Variants in RHD observed in about 807,000 individuals in gnomAD.
RHD encodes blood group Rh(D) polypeptide.
Under a neutral mutation model 45.5 loss-of-function variants are expected in RHD, and 16 were observed. The ratio of observed to expected loss-of-function variants is 0.35; its 90% CI spans 0.24 to 0.53. The LOEUF is 0.53. RHD is among the 20% of genes least tolerant of loss of function. The pLI is 0.92. For synonymous variants in RHD, 131 were observed against 217.5 expected (o/e 0.60, Z 3.50); for missense variants, 306 against 532.0 (o/e 0.58, Z 4.18).
intron 3 of RHD, among the ~76,000 whole-genome samples, chr1:25,296,935 C>A (rs2124661759): frequency 7.7e-6 from 1 of 130,718 alleles, no homozygotes; most frequent in East Asian, 2.0e-4. Context: ...AACACAATTT[C>A]CTAAAACAAG....
intron 1 of RHD, among the ~76,000 whole-genome samples, chr1:25,276,861 T>C (rs1641044859): frequency 7.6e-6 from 1 of 132,308 alleles, no homozygotes; most frequent in African/African-American, 2.6e-5. Context: ...GGTCTGGAGA[T>C]GGAGACCATC....
chr1:25,291,241 G>A lies in RHD; in HGVS notation c.486+450G>A, dbSNP rs538563037. Reference sequence around the variant, plus strand: ...CCCAGCACTTTGGGAGGCCAAGGAGGGCAGATCACCTGAGGTCAGGAGTTC... The same window carrying A: ...CCCAGCACTTTGGGAGGCCAAGGAGAGCAGATCACCTGAGGTCAGGAGTTC... On this transcript the variant is annotated intron_variant, in intron 3 of 9. Transcript: ENST00000328664. 4.6e-5 allele frequency among the ~76,000 whole-genome samples: 6 copies of A among 130,640 alleles called. No individual in the cohort carries two copies. In the South Asian group the frequency reaches 1.4e-3, roughly 31 times the overall value. 85.7% of individuals were successfully genotyped at this position (130,640 alleles called of 152,430 possible).
chr1:25,320,945 G>C lies in RHD; in HGVS notation c.1154-944G>C. ...TGTGGTCCCAGCTACTTGGGAGGCT[G>C]AGGTGGGAGGGTTGCTTGACCCCGG... On this transcript the variant is annotated intron_variant, in intron 8 of 9. Transcript: ENST00000328664. Among the ~76,000 whole-genome samples the C allele has an allele frequency of 1.5e-5, 2 of 131,778 alleles. 1 individual carries two copies. The highest frequency in any genetic ancestry group is 3.6e-5 in the Non-Finnish European group (2 of 55,638). The allele number at this position is 131,778 out of a possible 152,430, so 86.5% of individuals were successfully genotyped here.
chr1:25,302,916 A>C lies in RHD; in HGVS notation c.802-406A>C, dbSNP rs1364217221. On this transcript the variant is annotated intron_variant, in intron 5 of 9. Coordinates refer to ENST00000328664, the MANE Select transcript of RHD (RefSeq NM_016124.6). ...CCCAATATTTTGGGAGGCTGAGGCA[A>C]GAGGATTGGTTGAGGCCAGGAGTTC... Among the ~76,000 whole-genome samples the C allele has an allele frequency of 3.1e-5, 4 of 130,574 alleles. 2 individuals carry two copies. The highest frequency in any genetic ancestry group is 1.1e-4 in the African/African-American group (4 of 37,852). The allele number at this position is 130,574 out of a possible 152,430, so 85.7% of individuals were successfully genotyped here.
rs1319803990 is a variant in RHD at position 25,314,388 on chromosome 1, G to C, written c.1074-2612G>C. 2.3e-5 allele frequency among the ~76,000 whole-genome samples: 3 copies of C among 133,126 alleles called. 1 individual carries two copies. The highest frequency in any genetic ancestry group is 3.6e-5 in the Non-Finnish European group (2 of 56,144). The allele number at this position is 133,126 out of a possible 152,430, so 87.3% of individuals were successfully genotyped here. On this transcript the variant is annotated intron_variant, in intron 7 of 9. Coordinates refer to ENST00000328664, the MANE Select transcript of RHD (RefSeq NM_016124.6). ...CTTTTCTTGTGAAATGTCTATTCAA[G>C]TTAGTTTGCCCATTTTCTATTGTGG...
chr1:25,276,532 T>TAAAAAAAAAA (rs557746335), intron 1 of RHD, among the ~76,000 whole-genome samples: 2 of 64,784 alleles, frequency 3.1e-5, no homozygotes, highest in South Asian at 4.4e-4. Context: ...CCCCCATCTC[T>TAAAAAAAAAA]AAAAAAAAAA....
In RHD at chr1:25,280,605, CTTTTTTTTTT is replaced by C. The variant is rs71014346; in HGVS notation, c.149-3957_149-3948del. On this transcript the variant is annotated intron_variant, in intron 1 of 9. Transcript: ENST00000328664. ...ACAGACATAAGCCACTGTGCCTGGC[CTTTTTTTTTT>C]TTTTTTTTTTGTAAACAGGGTCTCC... is the stretch of plus-strand genomic sequence containing the variant. 3.3e-5 allele frequency among the ~76,000 whole-genome samples: 2 copies of C among 60,736 alleles called. 1 individual carries two copies. The highest frequency in any genetic ancestry group is 8.1e-5 in the Non-Finnish European group (2 of 24,542). 39.8% of individuals were successfully genotyped at this position (60,736 alleles called of 152,430 possible). A position where few individuals can be genotyped will look rare whatever the true frequency, so the allele number is the denominator to read the frequency against.
intron 2 of RHD, among the ~76,000 whole-genome samples, chr1:25,288,189 T>C (rs1642208417): frequency 7.6e-6 from 1 of 131,154 alleles, no homozygotes; most frequent in Non-Finnish European, 1.8e-5. Flanking sequence ...AGCTGATTTT[T>C]CTATTTTCTG....
At position 25,295,642 on chromosome 1, in the gene RHD, G is replaced by A. The variant is rs1426618825; in HGVS notation, c.486+4851G>A. ...GAGACGAGCGGTCAAGGAGCCGAGA[G>A]GGAAGGAGTTGGGTGGACTAAGATC... On this transcript the variant is annotated intron_variant, in intron 3 of 9. Coordinates refer to ENST00000328664, the MANE Select transcript of RHD (RefSeq NM_016124.6). 4.7e-5 allele frequency among the ~76,000 whole-genome samples: 5 copies of A among 106,000 alleles called. 1 individual carries two copies. The highest frequency in any genetic ancestry group is 1.1e-4 in the Non-Finnish European group (5 of 44,428). 69.5% of individuals were successfully genotyped at this position (106,000 alleles called of 152,430 possible).
At chr1:25,315,199 T>A (rs1171443126) in intron 7 of RHD, among the ~76,000 whole-genome samples, 2 of 130,028 alleles carry the variant, frequency 1.5e-5, no homozygotes, top group Admixed American at 1.5e-4. Flanking sequence ...TCCCCCTGAT[T>A]TTTTTCCTAA....
rs1557541975 is a variant in RHD at position 25,301,756 on chromosome 1, C to T, written c.801+70C>T. ...CTAGCACACATATTTATGCCCCTCCCCACCCCAGGGCCAGCGTGGGTTGGG... is the reference window on the plus strand; with the variant it reads ...CTAGCACACATATTTATGCCCCTCCTCACCCCAGGGCCAGCGTGGGTTGGG... On this transcript the variant is annotated intron_variant, in intron 5 of 9. Coordinates refer to ENST00000328664, the MANE Select transcript of RHD (RefSeq NM_016124.6). 29 of 1,114,386 alleles carry T rather than the reference C, an allele frequency of 2.6e-5. 6 individuals carry two copies. The Middle Eastern group carries it at 8.9e-4, about 34-fold the overall frequency. 69.0% of individuals were successfully genotyped at this position (1,114,386 alleles called of 1,614,324 possible).
Position 25,289,763 on chromosome 1 carries a change from G to A in RHD, c.336-878G>A, listed in dbSNP as rs1280793453. On this transcript the variant is annotated intron_variant, in intron 2 of 9. Transcript: ENST00000328664. ...TTCCAATGAACCCCACTAGCCTTGTGATATCACAGATATTCTTAGTTGACA... is the reference window on the plus strand; with the variant it reads ...TTCCAATGAACCCCACTAGCCTTGTAATATCACAGATATTCTTAGTTGACA... 3.9e-5 allele frequency among the ~76,000 whole-genome samples: 5 copies of A among 126,874 alleles called. 2 individuals are homozygous for A. Among genetic ancestry groups the A allele is most frequent in the African/African-American group, 1.4e-4 (5 of 36,536 alleles). 83.2% of individuals were successfully genotyped at this position (126,874 alleles called of 152,430 possible). A position where few individuals can be genotyped will look rare whatever the true frequency, so the allele number is the denominator to read the frequency against.
chr1:25,297,449 T>C lies in RHD; in HGVS notation c.487-3497T>C, dbSNP rs1004303666. Among the ~76,000 whole-genome samples, 4 of 109,464 alleles carry C rather than the reference T, an allele frequency of 3.7e-5. 1 individual carries two copies. The highest frequency in any genetic ancestry group is 8.6e-5 in the Non-Finnish European group (4 of 46,356). 71.8% of individuals were successfully genotyped at this position (109,464 alleles called of 152,430 possible). A position where few individuals can be genotyped will look rare whatever the true frequency, so the allele number is the denominator to read the frequency against. Reference sequence around the variant, plus strand: ...AATTAATAAACATCTTGTGAGGAGATAATTTCCTATAGAAATCCTGTTGAT... The same window carrying C: ...AATTAATAAACATCTTGTGAGGAGACAATTTCCTATAGAAATCCTGTTGAT... On this transcript the variant is annotated intron_variant, in intron 3 of 9. Transcript: ENST00000328664.
chr1:25,301,680 C>A lies in RHD; in HGVS notation c.795C>A (p.Ile265=), dbSNP rs769694058. The part of the protein sequence containing the change: ...GSSLAHPQGK[I]SKTYVHSAVL... The stretch of plus-strand genomic sequence containing the variant: ...CCTTGGCTCACCCCCAAGGGAAGAT[C>A]AGCAAGGTGAGCAGGGCGCTGCCCT... The change falls in exon 5 of 10, where the codon ATC becomes ATA. Residue 265 remains isoleucine, a synonymous_variant. Transcript: ENST00000328664. The A allele has an allele frequency of 8.7e-6, 12 of 1,379,478 alleles. 4 individuals are homozygous for A. Among genetic ancestry groups the A allele is most frequent in the Non-Finnish European group, 1.0e-5 (10 of 978,698 alleles). 85.5% of individuals were successfully genotyped at this position (1,379,478 alleles called of 1,614,324 possible).
At chr1:25,321,231 C>T (rs1477677082) in intron 8 of RHD, among the ~76,000 whole-genome samples, 1 of 128,094 alleles carries the variant, frequency 7.8e-6, no homozygotes, top group Non-Finnish European at 1.8e-5. Context: ...TCCATAGTAG[C>T]CCATATGTCT....
At chr1:25,284,819 A>T in intron 2 of RHD, 60 bp downstream of exon 2, 1 of 1,317,950 alleles carries the variant, frequency 7.6e-7, no homozygotes. Context: ...CCGAAAGGAC[A>T]GGTTCCAGAA....
At chr1:25,286,827 T>C (rs1411489655) in intron 2 of RHD, among the ~76,000 whole-genome samples, 7 of 132,084 alleles carry the variant, frequency 5.3e-5, no homozygotes, top group African/African-American at 1.9e-4. Flanking sequence ...GGCGCGGTGG[T>C]TCATGCCTGT....
Position 25,278,420 on chromosome 1 carries a change from A to G in RHD, c.148+5725A>G, listed in dbSNP as rs1184253156. 3.8e-5 allele frequency among the ~76,000 whole-genome samples: 5 copies of G among 131,416 alleles called. 2 individuals carry two copies. Among genetic ancestry groups the G allele is most frequent in the Non-Finnish European group, 9.0e-5 (5 of 55,508 alleles). The allele number at this position is 131,416 out of a possible 152,430, so 86.2% of individuals were successfully genotyped here. ...CACCCCAAACTTAGTGGCTTAAAAT[A>G]GTAACCTTTTAATTTACTCATGATC... On this transcript the variant is annotated intron_variant, in intron 1 of 9. Coordinates refer to ENST00000328664, the MANE Select transcript of RHD (RefSeq NM_016124.6).
At chr1:25,299,636 G>C (rs1643226032) in intron 3 of RHD, among the ~76,000 whole-genome samples, 1 of 130,508 alleles carries the variant, frequency 7.7e-6, no homozygotes, top group Non-Finnish European at 1.8e-5. Context: ...CGCCCGAGAG[G>C]TCAGGTGAGA....
Sources: allele counts gnomAD v4.1 joint callset (sites outside exome capture counted in the v4.1 genomes callset), GRCh38; gene constraint gnomAD v4.1.1; transcripts MANE v1.5; gene names NCBI Gene and HGNC (gene_info 2026-07-23, HGNC 2026-07-21).